Variants in SAMD12 observed in about 807,000 individuals in gnomAD.
SAMD12 encodes the protein sterile alpha motif domain containing 12, also known as sterile alpha motif domain-containing protein 12.
A neutral mutation model predicts 15.0 loss-of-function variants in SAMD12; 9 were observed. That is an observed-to-expected ratio of 0.60 (90% confidence interval 0.36 to 1.05). SAMD12 has a LOEUF of 1.05. SAMD12 is among the 50% of genes least tolerant of loss of function. The pLI is 0.01. For missense variants in SAMD12, 230 were observed against 234.2 expected, an observed-to-expected ratio of 0.98 and a Z score of 0.12; for synonymous variants, 86 against 90.1, an observed-to-expected ratio of 0.96 and a Z score of 0.25.
the SAMD12 span, among the ~76,000 whole-genome samples, chr8:118,145,509 G>A: frequency 2.0e-5 from 3 of 152,146 alleles, no homozygotes; most frequent in Non-Finnish European, 4.4e-5. Context: ...GGAGCTGGAG[G>A]TAAAATTTGA....
At chr8:118,262,145 C>G (rs1813095916) in intron 4 of SAMD12, among the ~76,000 whole-genome samples, 1 of 151,982 alleles carries the variant, frequency 6.6e-6, no homozygotes, top group African/African-American at 2.4e-5. Context: ...GATCAACAGC[C>G]ACTCACTACT....
intron 4 of SAMD12, among the ~76,000 whole-genome samples, chr8:118,218,442 T>A (rs1812012246): frequency 6.6e-6 from 1 of 152,180 alleles, no homozygotes; most frequent in African/African-American, 2.4e-5. Context: ...CATCTATTAT[T>A]AACTATAATC....
At chr8:118,370,466 T>G (rs935453510) in intron 4 of SAMD12, among the ~76,000 whole-genome samples, 1 of 152,126 alleles carries the variant, frequency 6.6e-6, no homozygotes, top group East Asian at 1.9e-4. Flanking sequence ...ATCATTCTGT[T>G]TTAAAGACAC....
At chr8:118,361,113 T>C (rs1195362242) in intron 4 of SAMD12, among the ~76,000 whole-genome samples, 2 of 152,214 alleles carry the variant, frequency 1.3e-5, no homozygotes, top group African/African-American at 2.4e-5. Flanking sequence ...TCCCTCTTTG[T>C]AAATACTCTC....
intron 2 of SAMD12, among the ~76,000 whole-genome samples, chr8:118,550,191 C>G (rs902252478): frequency 3.3e-5 from 5 of 152,132 alleles, no homozygotes; most frequent in African/African-American, 1.2e-4. Flanking sequence ...CACAAAGATA[C>G]TCCTTGAGAA....
chr8:118,289,521 T>A (rs570208105), intron 4 of SAMD12, among the ~76,000 whole-genome samples: 38 of 152,216 alleles, frequency 2.5e-4, no homozygotes, highest in Non-Finnish European at 4.9e-4. Context: ...CAAAGGGCTT[T>A]TAAAAACAAA....
chr8:118,596,231 C>A (rs567513667), intron 1 of SAMD12, among the ~76,000 whole-genome samples: 2 of 152,186 alleles, frequency 1.3e-5, no homozygotes, highest in Non-Finnish European at 2.9e-5. Context: ...TCCTTGTTCG[C>A]TGCTCAGATT....
intron 2 of SAMD12, among the ~76,000 whole-genome samples, chr8:118,468,684 T>C (rs776007431): frequency 6.9e-4 from 105 of 152,086 alleles, no homozygotes; most frequent in South Asian, 1.2e-3. Flanking sequence ...TGTGGCAACA[T>C]ACTAGATTTT....
intron 2 of SAMD12, among the ~76,000 whole-genome samples, chr8:118,486,987 C>A (rs566003019): frequency 1.3e-5 from 2 of 152,278 alleles, no homozygotes; most frequent in Admixed American, 1.3e-4. Context: ...CAACTTCTTT[C>A]TCCTCCTGCC....
At chr8:118,249,211 C>G (rs1261706400) in intron 4 of SAMD12, among the ~76,000 whole-genome samples, 1 of 151,968 alleles carries the variant, frequency 6.6e-6, no homozygotes, top group Admixed American at 6.6e-5. Flanking sequence ...GCTTGCTTAC[C>G]ACAAATATAG....
exon 5 of SAMD12, chr8:118,196,725 A>G (rs989806174): frequency 6.6e-6 from 1 of 152,210 alleles, no homozygotes; most frequent in Non-Finnish European, 1.5e-5. Flanking sequence ...AGACCACACA[A>G]AAGAATTGCA....
intron 2 of SAMD12, among the ~76,000 whole-genome samples, chr8:118,498,257 C>T (rs1029958127): frequency 6.6e-6 from 1 of 152,162 alleles, no homozygotes; most frequent in African/African-American, 2.4e-5. Flanking sequence ...CTTAAGGGTC[C>T]TGTTTATACA....
chr8:118,459,566 A>G (rs932647735), intron 2 of SAMD12, among the ~76,000 whole-genome samples: 1 of 152,206 alleles, frequency 6.6e-6, no homozygotes, highest in African/African-American at 2.4e-5. Context: ...AATTCAAATG[A>G]TTTCAAAGCC....
At position 118,348,668 on chromosome 8, in the gene SAMD12, G is replaced by C. The variant is rs182939783; in HGVS notation, c.433+30892C>G. 3.2e-4 allele frequency among the ~76,000 whole-genome samples: 49 copies of C among 152,258 alleles called. 1 individual carries two copies. The highest frequency in any genetic ancestry group is 1.0e-3 in the African/African-American group (43 of 41,526). The stretch of plus-strand genomic sequence containing the variant: ...ATTACAGGCGTGAGCCACCGCACCC[G>C]GCCCGCTTATTACTTTTTTAAAAAA... On this transcript the variant is annotated intron_variant, in intron 4 of 4. Transcript: ENST00000409003.
downstream of SAMD12, among the ~76,000 whole-genome samples, chr8:118,187,672 G>A (rs1819266926): frequency 6.6e-6 from 1 of 152,132 alleles, no homozygotes; most frequent in African/African-American, 2.4e-5. Flanking sequence ...TGAGATGACA[G>A]GAAGGCTTTT....
intron 4 of SAMD12, among the ~76,000 whole-genome samples, chr8:118,295,091 A>C (rs541273227): frequency 6.6e-6 from 1 of 152,230 alleles, no homozygotes; most frequent in African/African-American, 2.4e-5. Flanking sequence ...AGTCATCTAG[A>C]TACAAAGGGA....
At chr8:118,230,910 T>C (rs1020867525) in intron 4 of SAMD12, among the ~76,000 whole-genome samples, 6 of 152,120 alleles carry the variant, frequency 3.9e-5, no homozygotes, top group African/African-American at 1.2e-4. Flanking sequence ...CCAAGTGCAA[T>C]GGAAAGCCAG....
intron 2 of SAMD12, among the ~76,000 whole-genome samples, chr8:118,452,642 C>CA (rs1419116929): frequency 4.6e-5 from 7 of 152,184 alleles, no homozygotes; most frequent in African/African-American, 1.4e-4. Flanking sequence ...CCTTTATAGT[C>CA]ATTCTATTAT....
At chr8:118,238,840 C>T (rs1812495760) in intron 4 of SAMD12, among the ~76,000 whole-genome samples, 1 of 152,132 alleles carries the variant, frequency 6.6e-6, no homozygotes, top group Non-Finnish European at 1.5e-5. Flanking sequence ...GGATTCAACA[C>T]CAGTGGACTA....
Sources: gnomAD v4.1 joint callset for allele counts (sites outside exome capture counted in the v4.1 genomes callset) on GRCh38, gnomAD v4.1.1 for gene constraint, MANE v1.5 for transcripts, NCBI Gene and HGNC (gene_info 2026-07-23, HGNC 2026-07-21) for gene names.